HNF1A: variants seen among roughly 807,000 people sequenced by gnomAD.
HNF1A encodes the protein hepatocyte nuclear factor 1-alpha.
In HNF1A, 21 loss-of-function variants were observed where a neutral mutation model predicts 62.2. That is an observed-to-expected ratio of 0.34 (90% CI 0.24 to 0.49). The LOEUF is 0.49. Ranked by LOEUF, HNF1A falls within the 20% of genes least tolerant of loss-of-function variation. The pLI, the probability that HNF1A is intolerant of heterozygous loss-of-function variation, is 0.99. For missense variants in HNF1A, 687 were observed against 832.3 expected, an observed-to-expected ratio of 0.83 and a Z score of 2.15; for synonymous variants, 374 against 366.8, an observed-to-expected ratio of 1.02 and a Z score of -0.22.
intron 1 of HNF1A, among the ~76,000 whole-genome samples, chr12:120,986,977 T>C (rs1028141728): frequency 6.6e-6 from 1 of 151,570 alleles, no homozygotes; most frequent in Admixed American, 6.6e-5. Context: ...GGAGAGAAAA[T>C]TTATATGGCT....
At position 120,998,204 on chromosome 12, in the gene HNF1A, G is replaced by A. The variant is rs188103907; in HGVS notation, c.1501+539G>A. 3.5e-5 allele frequency: 8 copies of A among 230,122 alleles called. No individual in the cohort carries two copies. The East Asian group carries it at 8.5e-4, about 24-fold the overall frequency. 14.3% of individuals were successfully genotyped at this position (230,122 alleles called of 1,614,324 possible). ...CTGAGGCAGAATCGCTTGAACCTGG[G>A]AGGCGGAGGTTGCAGTGAGCTGAGA... On this transcript the variant is annotated intron_variant, in intron 7 of 9. Transcript: ENST00000257555.
chr12:120,983,003 C>T (rs1001749496), intron 1 of HNF1A, among the ~76,000 whole-genome samples: 3 of 152,184 alleles, frequency 2.0e-5, no homozygotes, highest in Non-Finnish European at 2.9e-5. Context: ...CTGAGGCACA[C>T]GGAGGTTAAG....
chr12:120,998,784 C>CT (rs1214761340), intron 7 of HNF1A, among the ~76,000 whole-genome samples: 5 of 152,210 alleles, frequency 3.3e-5, no homozygotes, highest in Non-Finnish European at 5.9e-5. Context: ...CTGCCTTGCT[C>CT]TTTGACAGGG....
chr12:120,983,228 G>A lies in HNF1A; in HGVS notation c.326+4134G>A, dbSNP rs1416853062. On this transcript the variant is annotated intron_variant, in intron 1 of 9. Coordinates refer to ENST00000257555, the MANE Select transcript of HNF1A (RefSeq NM_000545.8). ...CACTTCTCCTGGGCTCTGCTGTGTG[G>A]GGCCAAGGGTCTCCAGGGCTGCATT... Among the ~76,000 whole-genome samples, 4 of 152,266 alleles carry A rather than the reference G, an allele frequency of 2.6e-5. No homozygotes were observed. The East Asian group carries it at 7.7e-4, about 29-fold the overall frequency.
At chr12:120,992,178 G>C (rs1214887212) in intron 2 of HNF1A, among the ~76,000 whole-genome samples, 1 of 152,196 alleles carries the variant, frequency 6.6e-6, no homozygotes, top group Non-Finnish European at 1.5e-5. Context: ...GGCATGGCTA[G>C]ATCAAGGGGC....
At chr12:120,983,862 G>C (rs956874118) in intron 1 of HNF1A, among the ~76,000 whole-genome samples, 1 of 151,254 alleles carries the variant, frequency 6.6e-6, no homozygotes, top group African/African-American at 2.4e-5. Flanking sequence ...TCTTAGTTCT[G>C]AGCTAGGACA....
At position 120,996,865 on chromosome 12, in the gene HNF1A, C is replaced by T; in HGVS notation, c.1309+123C>T. ...TCATACAACATGTATTTATCCAGTGCCTACTCTGGACCAGTCACTGTGCTA... is the reference window on the plus strand; with the variant it reads ...TCATACAACATGTATTTATCCAGTGTCTACTCTGGACCAGTCACTGTGCTA... On this transcript the variant is annotated intron_variant, in intron 6 of 9. Transcript: ENST00000257555. The surrounding 1 kb of genome is among the most constrained non-coding windows in gnomAD (Gnocchi z 4.5). 1 of 1,528,058 alleles carries T rather than the reference C, an allele frequency of 6.5e-7. No individual in the cohort carries two copies. The highest frequency in any genetic ancestry group is 2.5e-5 in the East Asian group (1 of 40,762). 94.7% of individuals were successfully genotyped at this position (1,528,058 alleles called of 1,614,324 possible).
At chr12:120,998,077 C>T (rs1877209641) in intron 7 of HNF1A, 6 of 416,254 alleles carry the variant, frequency 1.4e-5, no homozygotes, top group Non-Finnish European at 2.2e-5. Flanking sequence ...GTCAGGAGTT[C>T]AAGACCAGCC....
At chr12:121,000,305 G>A (rs1877367309) in intron 9 of HNF1A, among the ~76,000 whole-genome samples, 1 of 152,132 alleles carries the variant, frequency 6.6e-6, no homozygotes, top group African/African-American at 2.4e-5. Context: ...GCCATTCTGT[G>A]TCCTGGCATT....
chr12:120,987,197 G>A (rs1464161927), intron 1 of HNF1A, among the ~76,000 whole-genome samples: 10 of 152,162 alleles, frequency 6.6e-5, no homozygotes, highest in East Asian at 3.9e-4. Flanking sequence ...AGCCGCGGCC[G>A]GGCGCGGTGG....
chr12:121,002,159 AG>A lies in HNF1A; in HGVS notation c.*969del, dbSNP rs973982155. On this transcript the variant is annotated 3_prime_UTR_variant, in exon 10 of 10. Coordinates refer to ENST00000257555, the MANE Select transcript of HNF1A (RefSeq NM_000545.8). ...CAGGGCCGGGGAACTGGCCAAGCTGAGGTGCCCAGGAGAAGAAAGAGGTGAC... is the reference window on the plus strand; with the variant it reads ...CAGGGCCGGGGAACTGGCCAAGCTGAGTGCCCAGGAGAAGAAAGAGGTGAC... The A allele has an allele frequency of 2.0e-6, 1 of 499,318 alleles. No individual in the cohort carries two copies. The highest frequency in any genetic ancestry group is 3.9e-6 in the Non-Finnish European group (1 of 258,804). 30.9% of individuals were successfully genotyped at this position (499,318 alleles called of 1,614,324 possible). A position where few individuals can be genotyped will look rare whatever the true frequency, so the allele number is the denominator to read the frequency against.
intron 4 of HNF1A, among the ~76,000 whole-genome samples, chr12:120,995,996 C>G (rs1877079591): frequency 6.6e-6 from 1 of 152,230 alleles, no homozygotes; most frequent in Non-Finnish European, 1.5e-5. Context: ...CAGTTGTCTT[C>G]TACTGAGCAC....
intron 6 of HNF1A, 166 bp from the exon 7 acceptor site, chr12:120,997,308 C>A (rs192905182): frequency 7.3e-7 from 1 of 1,372,992 alleles, no homozygotes; most frequent in Non-Finnish European, 9.6e-7. Context: ...CTTGCCAGAG[C>A]CACTTAAATT....
rs80051981 is a variant in HNF1A at position 120,979,114 on chromosome 12, C to A, written c.326+20C>A. On this transcript the variant is annotated intron_variant, in intron 1 of 9. Coordinates refer to ENST00000257555, the MANE Select transcript of HNF1A (RefSeq NM_000545.8). ...TCTGCAGTAAGGAGCCCTGCCCCGT[C>A]CCCGCTCCCAGGAGAGCCTAGAGGG... 2,076 of 1,593,260 alleles carry A rather than the reference C, an allele frequency of 1.3e-3. 23 individuals are homozygous for A. In the African/African-American group the frequency reaches 0.025, roughly 19 times the overall value.
At chr12:120,981,590 C>G (rs1876251893) in intron 1 of HNF1A, among the ~76,000 whole-genome samples, 1 of 152,184 alleles carries the variant, frequency 6.6e-6, no homozygotes, top group Non-Finnish European at 1.5e-5. Context: ...AAGCCAATTC[C>G]CACCCCAGGG....
In HNF1A at chr12:121,001,664, C is replaced by A. The variant is rs1348410664; in HGVS notation, c.*472C>A. The A allele has an allele frequency of 1.1e-5, 5 of 458,236 alleles. No individual in the cohort carries two copies. The East Asian group carries it at 2.0e-4, about 18-fold the overall frequency. The allele number at this position is 458,236 out of a possible 1,614,324, so 28.4% of individuals were successfully genotyped here. A position where few individuals can be genotyped will look rare whatever the true frequency, so the allele number is the denominator to read the frequency against. Reference sequence around the variant, plus strand: ...TGGCCTTGTTCTGTCACCAATGTACCCACCGGGCCACTCCTTCCTGCCCCA... The same window carrying A: ...TGGCCTTGTTCTGTCACCAATGTACACACCGGGCCACTCCTTCCTGCCCCA... On this transcript the variant is annotated 3_prime_UTR_variant, in exon 10 of 10. Transcript: ENST00000257555.
At chr12:120,982,186 C>T (rs577995296) in intron 1 of HNF1A, among the ~76,000 whole-genome samples, 2 of 152,338 alleles carry the variant, frequency 1.3e-5, no homozygotes, top group African/African-American at 4.8e-5. Flanking sequence ...TCTCCTGCCT[C>T]AGCCTCCCGA....
intron 7 of HNF1A, 93 bp downstream of exon 7, chr12:120,997,758 T>A: frequency 7.9e-7 from 1 of 1,269,620 alleles, no homozygotes; most frequent in South Asian, 1.3e-5. Flanking sequence ...GGCATTGCAG[T>A]CTGCATGTGT....
At chr12:120,979,792 G>T (rs943864371) in intron 1 of HNF1A, 1 of 152,814 alleles carries the variant, frequency 6.5e-6, no homozygotes, top group African/African-American at 2.4e-5. Flanking sequence ...CCTCTCCTCA[G>T]CAGAGCTGAC....
Sources: allele counts gnomAD v4.1 joint callset (sites outside exome capture counted in the v4.1 genomes callset), GRCh38; gene constraint gnomAD v4.1.1; non-coding constraint Gnocchi (gnomAD v3.1); transcripts MANE v1.5; gene names NCBI Gene and HGNC (gene_info 2026-07-23, HGNC 2026-07-21).